The following CACNA2D1 variants were observed in gnomAD, a reference collection of about 807,000 sequenced individuals.
CACNA2D1 encodes the protein calcium voltage-gated channel auxiliary subunit alpha2delta 1, also known as voltage-dependent calcium channel subunit alpha-2/delta-1.
In CACNA2D1, 53 loss-of-function variants were observed where a neutral mutation model predicts 171.5. The observed-to-expected ratio is 0.31, with a 90% CI of 0.25 to 0.39. The LOEUF is 0.39. CACNA2D1 is among the 10% of genes least tolerant of loss of function. CACNA2D1 has a pLI of 1.00. For missense variants in CACNA2D1, 903 were observed against 1,299.8 expected (o/e 0.69, Z 4.69); for synonymous variants, 442 against 443.1 (o/e 1.00, Z 0.03).
chr7:82,331,319 T>C (rs767845326), intron 3 of CACNA2D1, among the ~76,000 whole-genome samples: 2 of 152,138 alleles, frequency 1.3e-5, no homozygotes, highest in Non-Finnish European at 2.9e-5. Context: ...TAAAATTACA[T>C]TAGTGTCCCA....
At chr7:82,385,655 G>T (rs540146518) in intron 1 of CACNA2D1, among the ~76,000 whole-genome samples, 1 of 151,660 alleles carries the variant, frequency 6.6e-6, no homozygotes, top group South Asian at 2.1e-4. Flanking sequence ...TGGTTGTTTT[G>T]TTTTGTTTTG....
At chr7:82,102,647 G>A (rs898449784) in intron 6 of CACNA2D1, among the ~76,000 whole-genome samples, 6 of 152,082 alleles carry the variant, frequency 3.9e-5, no homozygotes, top group Admixed American at 1.3e-4. Flanking sequence ...TTCATTCAAC[G>A]AAGGAACTTA....
chr7:82,425,987 G>A (rs1031871900), intron 1 of CACNA2D1, among the ~76,000 whole-genome samples: 33 of 151,128 alleles, frequency 2.2e-4, no homozygotes, highest in East Asian at 4.0e-4. Flanking sequence ...AAAATTAGCC[G>A]AGCATGGTGG....
intron 26 of CACNA2D1, 52 bp from the exon 27 acceptor site, chr7:81,970,789 A>C (rs778669125): frequency 2.8e-6 from 3 of 1,083,440 alleles, no homozygotes; most frequent in Non-Finnish European, 4.3e-6. Flanking sequence ...ATTCTAAAAA[A>C]CAAAGTTAGG....
chr7:82,330,920 G>A (rs1292230109), intron 3 of CACNA2D1, among the ~76,000 whole-genome samples: 2 of 151,960 alleles, frequency 1.3e-5, no homozygotes, highest in African/African-American at 4.8e-5. Flanking sequence ...CATTCTTGCT[G>A]CTCAAAGTAT....
At chr7:82,103,670 C>CATATATAT (rs56335299) in intron 6 of CACNA2D1, among the ~76,000 whole-genome samples, 4,088 of 151,592 alleles carry the variant, frequency 0.027, 73 homozygotes, top group South Asian at 0.068. Flanking sequence ...TGTGTATATA[C>CATATATAT]ATATTCAGAT....
At chr7:82,290,441 A>G (rs545891249) in intron 3 of CACNA2D1, among the ~76,000 whole-genome samples, 4 of 152,172 alleles carry the variant, frequency 2.6e-5, no homozygotes, top group Non-Finnish European at 5.9e-5. Context: ...TGAGGGTAAC[A>G]CATTGTTTTA....
chr7:82,394,847 T>TC (rs904884837), intron 1 of CACNA2D1, among the ~76,000 whole-genome samples: 1 of 152,148 alleles, frequency 6.6e-6, no homozygotes, highest in African/African-American at 2.4e-5. Flanking sequence ...GCCATAGCTC[T>TC]CCCCTCTGGG....
At chr7:82,102,982 C>A (rs549923899) in intron 6 of CACNA2D1, among the ~76,000 whole-genome samples, 1 of 152,198 alleles carries the variant, frequency 6.6e-6, no homozygotes, top group Non-Finnish European at 1.5e-5. Context: ...AAATCCGTGA[C>A]TTTTAATAAT....
At chr7:82,356,138 T>A (rs1820395494) in intron 1 of CACNA2D1, among the ~76,000 whole-genome samples, 1 of 147,136 alleles carries the variant, frequency 6.8e-6, no homozygotes, top group South Asian at 2.1e-4. Flanking sequence ...ATCTCTATGC[T>A]AAAGTATTTA....
At chr7:82,141,002 T>A (rs1792321684) in intron 4 of CACNA2D1, among the ~76,000 whole-genome samples, 1 of 150,810 alleles carries the variant, frequency 6.6e-6, no homozygotes, top group Admixed American at 6.6e-5. Flanking sequence ...GTTTGTGATT[T>A]TTGTTTGAAT....
chr7:82,109,189 T>G (rs563689853), intron 6 of CACNA2D1, among the ~76,000 whole-genome samples: 1 of 152,212 alleles, frequency 6.6e-6, no homozygotes, highest in South Asian at 2.1e-4. Context: ...ACTCTATATA[T>G]TATATATAAT....
At chr7:82,439,886 A>G (rs999967993) in intron 1 of CACNA2D1, among the ~76,000 whole-genome samples, 1 of 151,842 alleles carries the variant, frequency 6.6e-6, no homozygotes, top group African/African-American at 2.4e-5. Context: ...AATTGATCAT[A>G]TGGCACATTT....
chr7:82,391,670 A>C (rs988259316), intron 1 of CACNA2D1, among the ~76,000 whole-genome samples: 5 of 152,242 alleles, frequency 3.3e-5, no homozygotes, highest in Non-Finnish European at 7.3e-5. Context: ...TTGCAGAGGT[A>C]CAATTGATAG....
At chr7:82,127,108 T>C (rs778847719) in intron 5 of CACNA2D1, among the ~76,000 whole-genome samples, 8 of 152,252 alleles carry the variant, frequency 5.3e-5, no homozygotes, top group Non-Finnish European at 7.3e-5. Flanking sequence ...TATTCTCCAA[T>C]TTCAATTAAT....
intron 6 of CACNA2D1, among the ~76,000 whole-genome samples, chr7:82,094,635 T>A (rs919281520): frequency 2.1e-5 from 3 of 141,094 alleles, no homozygotes; most frequent in African/African-American, 8.2e-5. Flanking sequence ...TTCCAATAAA[T>A]CATGTATTTT....
At chr7:82,346,119 G>A (rs1819225821) in intron 2 of CACNA2D1, among the ~76,000 whole-genome samples, 1 of 152,096 alleles carries the variant, frequency 6.6e-6, no homozygotes, top group South Asian at 2.1e-4. Context: ...ATGACAGCTG[G>A]GAAAGAAGAG....
intron 3 of CACNA2D1, among the ~76,000 whole-genome samples, chr7:82,182,180 G>C (rs1782187414): frequency 6.6e-6 from 1 of 151,966 alleles, no homozygotes; most frequent in Admixed American, 6.6e-5. Context: ...TAGGCTTCAG[G>C]ATTTCATTTT....
At chr7:82,394,852 T>C (rs547804813) in intron 1 of CACNA2D1, among the ~76,000 whole-genome samples, 1 of 152,296 alleles carries the variant, frequency 6.6e-6, no homozygotes, top group South Asian at 2.1e-4. Context: ...AGCTCTCCCC[T>C]CTGGGTTTGA....
Sources: allele counts gnomAD v4.1 joint callset (sites outside exome capture counted in the v4.1 genomes callset), GRCh38; gene constraint gnomAD v4.1.1; transcripts MANE v1.5; gene names NCBI Gene and HGNC (gene_info 2026-07-23, HGNC 2026-07-21).